The following DPP6 variants were observed in gnomAD, a reference collection of about 807,000 sequenced individuals.
The protein encoded by DPP6 is dipeptidyl peptidase like 6.
Under a neutral mutation model 122.6 loss-of-function variants are expected in DPP6, and 69 were observed. The observed-to-expected ratio is 0.56, with a 90% confidence interval of 0.46 to 0.69. DPP6 has a LOEUF of 0.69. DPP6 is among the 30% of genes least tolerant of loss of function. The pLI is 0.00. For synonymous variants in DPP6, 418 were observed against 433.1 expected (o/e 0.97, Z 0.43); for missense variants, 928 against 1,116.9 (o/e 0.83, Z 2.41).
rs1563055325 is a variant in DPP6 at position 153,964,852 on chromosome 7, T to TTTTCCTTTTCCTTTTCCC, written c.51+77123_51+77124insTTTTCCTTTTCCCTTTCC. ...CTTTTCCTTTTCCTTTTCCTTTTCC[T>TTTTCCTTTTCCTTTTCCC]TTTCCCTTTCCTTTCCTTTCCTTTT... is the stretch of plus-strand genomic sequence containing the variant. On this transcript the variant is annotated intron_variant, in intron 1 of 25. Coordinates refer to the DPP6 transcript ENST00000404039. Among the ~76,000 whole-genome samples the TTTTCCTTTTCCTTTTCCC allele has an allele frequency of 1.4e-3, 182 of 130,906 alleles. 7 individuals are homozygous for TTTTCCTTTTCCTTTTCCC. Among genetic ancestry groups the TTTTCCTTTTCCTTTTCCC allele is most frequent in the African/African-American group, 6.5e-3 (171 of 26,444 alleles). The allele number at this position is 130,906 out of a possible 152,430, so 85.9% of individuals were successfully genotyped here.
chr7:153,797,942 C>T, the DPP6 span, among the ~76,000 whole-genome samples: 33 of 152,192 alleles, frequency 2.2e-4, no homozygotes, highest in East Asian at 3.9e-4. Flanking sequence ...TCTGGGTTCA[C>T]GCCATTCTCC....
At chr7:154,554,130 T>C (rs1829846101) in intron 4 of DPP6, among the ~76,000 whole-genome samples, 1 of 152,148 alleles carries the variant, frequency 6.6e-6, no homozygotes, top group Non-Finnish European at 1.5e-5. Flanking sequence ...AATTAAATTA[T>C]TCTTAGGTGA....
chr7:154,037,211 A>G (rs1799578934), intron 1 of DPP6, among the ~76,000 whole-genome samples: 1 of 152,148 alleles, frequency 6.6e-6, no homozygotes, highest in Non-Finnish European at 1.5e-5. Flanking sequence ...CAGAGAGGAG[A>G]GAGCCAGCTT....
chr7:154,512,508 G>T (rs1275733248), intron 3 of DPP6, among the ~76,000 whole-genome samples: 1 of 152,206 alleles, frequency 6.6e-6, no homozygotes, highest in African/African-American at 2.4e-5. Flanking sequence ...AGAATGGCAA[G>T]TTAAAAATAA....
chr7:154,760,841 G>GT lies in DPP6; in HGVS notation c.884-8563dup, dbSNP rs60134336. ...TCAGCCTTCCTCTTTCAAAACTTTT[G>GT]TTTTTTTTTTTTTGAGACAGTCTTG... On this transcript the variant is annotated intron_variant, in intron 8 of 25. Transcript: ENST00000377770. The surrounding 1 kb of genome is among the most constrained non-coding windows in gnomAD (Gnocchi z 4.5). Among the ~76,000 whole-genome samples, 62,537 of 145,378 alleles carry GT rather than the reference G, an allele frequency of 0.43. 13,547 individuals are homozygous for GT. The highest frequency in any genetic ancestry group is 0.47 in the Non-Finnish European group (31,079 of 66,544).
chr7:154,712,025 T>C (rs1035205457), intron 7 of DPP6, among the ~76,000 whole-genome samples: 3 of 152,170 alleles, frequency 2.0e-5, no homozygotes, highest in African/African-American at 4.8e-5. Context: ...CTTTTTAAAT[T>C]ATCTTAGTGA....
At chr7:154,350,464 C>T (rs1019918099) in intron 1 of DPP6, among the ~76,000 whole-genome samples, 4 of 152,100 alleles carry the variant, frequency 2.6e-5, no homozygotes, top group African/African-American at 9.7e-5. Context: ...AAGTCGTAGA[C>T]CCATTACTTA....
intron 7 of DPP6, among the ~76,000 whole-genome samples, chr7:154,687,422 T>C (rs1337750964): frequency 6.6e-6 from 1 of 152,268 alleles, no homozygotes; most frequent in African/African-American, 2.4e-5. Flanking sequence ...TCTGTAGGTT[T>C]TGCTGTGTGT....
chr7:154,373,980 C>T lies in DPP6; in HGVS notation c.244-72234C>T, dbSNP rs189959438. Among the ~76,000 whole-genome samples, 407 of 152,308 alleles carry T rather than the reference C, an allele frequency of 2.7e-3. 4 individuals are homozygous for T. The highest frequency in any genetic ancestry group is 9.1e-3 in the African/African-American group (379 of 41,570). On this transcript the variant is annotated intron_variant, in intron 1 of 25. Coordinates refer to ENST00000377770, the MANE Select transcript of DPP6 (RefSeq NM_130797.4). ...GTAGCCTGTGTCAGAATTTCCTACC[C>T]TTTTAAGGTGGTGAGTGCTAAGTTT... is the stretch of plus-strand genomic sequence containing the variant.
At chr7:154,388,156 A>C (rs1287538193) in intron 1 of DPP6, among the ~76,000 whole-genome samples, 1 of 152,126 alleles carries the variant, frequency 6.6e-6, no homozygotes, top group African/African-American at 2.4e-5. Context: ...ACAAAAAACT[A>C]GCTGGATGTG....
chr7:153,990,062 C>T (rs1162345095), intron 1 of DPP6, among the ~76,000 whole-genome samples: 1 of 130,984 alleles, frequency 7.6e-6, no homozygotes, highest in Non-Finnish European at 1.6e-5. Flanking sequence ...CCCAGCAAGC[C>T]CCGCCCCCTG....
At chr7:154,093,635 T>TACACACACACACACACACACACCATACAC (rs370461078) in intron 1 of DPP6, 1 of 145,248 alleles carries the variant, frequency 6.9e-6, no homozygotes, top group Non-Finnish European at 1.5e-5. Context: ...ACACACACCA[T>TACACACACACACACACACACACCATACAC]ACACACACAC....
intron 1 of DPP6, among the ~76,000 whole-genome samples, chr7:154,025,708 A>G (rs1798929017): frequency 6.6e-6 from 1 of 151,844 alleles, no homozygotes; most frequent in Non-Finnish European, 1.5e-5. Context: ...CCTAGTGCAT[A>G]ATAACTAGTA....
intron 3 of DPP6, among the ~76,000 whole-genome samples, chr7:154,489,075 C>A (rs1307611627): frequency 6.6e-6 from 1 of 152,126 alleles, no homozygotes; most frequent in Non-Finnish European, 1.5e-5. Context: ...TTCTTAAAGC[C>A]CCTAGACATT....
chr7:154,441,903 G>T (rs1819408432), intron 1 of DPP6, among the ~76,000 whole-genome samples: 2 of 152,208 alleles, frequency 1.3e-5, no homozygotes, highest in Admixed American at 1.3e-4. Context: ...AAACGACTCA[G>T]AAAAGGTATA....
chr7:154,065,906 C>T (rs373955804), intron 1 of DPP6, among the ~76,000 whole-genome samples: 3 of 152,090 alleles, frequency 2.0e-5, no homozygotes, highest in African/African-American at 7.2e-5. Context: ...CCTAAGAAGC[C>T]GCCTTGGTAT....
chr7:154,585,270 G>A (rs74860181), intron 5 of DPP6, among the ~76,000 whole-genome samples: 4,315 of 152,312 alleles, frequency 0.028, 201 homozygotes, highest in African/African-American at 0.098. Flanking sequence ...CTCTAAAAAC[G>A]TTTTTGCTGT....
chr7:154,777,950 G>A (rs1351991494), intron 10 of DPP6, among the ~76,000 whole-genome samples: 1 of 152,174 alleles, frequency 6.6e-6, no homozygotes, highest in Non-Finnish European at 1.5e-5. Context: ...GGATTTAGAT[G>A]CTGTGCAGCT....
At chr7:154,650,026 A>G (rs957319340) in intron 6 of DPP6, among the ~76,000 whole-genome samples, 2 of 152,104 alleles carry the variant, frequency 1.3e-5, no homozygotes, top group Non-Finnish European at 2.9e-5. Context: ...AATAAAACAG[A>G]TTCAAAACTG....
Sources: gnomAD v4.1 joint callset for allele counts (sites outside exome capture counted in the v4.1 genomes callset) on GRCh38, gnomAD v4.1.1 for gene constraint, Gnocchi (gnomAD v3.1) non-coding constraint, MANE v1.5 for transcripts, NCBI Gene and HGNC (gene_info 2026-07-23, HGNC 2026-07-21) for gene names.